SLC2A13: variants seen among roughly 807,000 people sequenced by gnomAD.
SLC2A13 encodes proton myo-inositol cotransporter.
Under a neutral mutation model 64.4 loss-of-function variants are expected in SLC2A13, and 32 were observed. The ratio of observed to expected loss-of-function variants is 0.50; its 90% confidence interval spans 0.37 to 0.67. SLC2A13 has a LOEUF of 0.67. Ranked by LOEUF, SLC2A13 falls within the 30% of genes least tolerant of loss-of-function variation. The pLI, the probability that SLC2A13 is intolerant of heterozygous loss-of-function variation, is 0.00. For synonymous variants in SLC2A13, 338 were observed against 327.1 expected (o/e 1.03, Z -0.36); for missense variants, 743 against 829.2 (o/e 0.90, Z 1.28).
chr12:40,067,264 CA>C (rs1452102166), intron 1 of SLC2A13, among the ~76,000 whole-genome samples: 1 of 152,140 alleles, frequency 6.6e-6, no homozygotes, highest in Non-Finnish European at 1.5e-5. Context: ...TACAGTGGTG[CA>C]ATCACAGGTC....
intron 1 of SLC2A13, among the ~76,000 whole-genome samples, chr12:40,052,409 A>T (rs188907295): frequency 6.6e-6 from 1 of 152,234 alleles, no homozygotes; most frequent in East Asian, 1.9e-4. Flanking sequence ...AAGCAAAAAA[A>T]GGGTGGAGAA....
intron 4 of SLC2A13, among the ~76,000 whole-genome samples, chr12:39,937,359 A>G (rs1242016169): frequency 6.6e-6 from 1 of 152,174 alleles, no homozygotes; most frequent in African/African-American, 2.4e-5. Flanking sequence ...CTGTGTGTGT[A>G]AAGAGTGAAT....
intron 3 of SLC2A13, among the ~76,000 whole-genome samples, chr12:40,015,189 G>A (rs12425630): frequency 3.3e-5 from 5 of 151,936 alleles, no homozygotes; most frequent in African/African-American, 4.8e-5. Context: ...AAATTCCAAG[G>A]AATTCAACAT....
intron 3 of SLC2A13, among the ~76,000 whole-genome samples, chr12:39,992,953 T>C (rs1025806292): frequency 6.6e-6 from 1 of 152,218 alleles, no homozygotes; most frequent in Admixed American, 6.5e-5. Context: ...TCACAAAGCA[T>C]TTTTCAATTT....
intron 6 of SLC2A13, among the ~76,000 whole-genome samples, chr12:39,852,370 T>G (rs891641746): frequency 1.1e-4 from 16 of 152,218 alleles, no homozygotes; most frequent in African/African-American, 3.1e-4. Flanking sequence ...CCACATGTAC[T>G]TTCTACAGTG....
chr12:39,881,007 T>G (rs1944324264), intron 4 of SLC2A13, among the ~76,000 whole-genome samples: 1 of 152,238 alleles, frequency 6.6e-6, no homozygotes. Context: ...GTATAACAGG[T>G]TACATGTGAT....
At position 40,105,677 on chromosome 12, in the gene SLC2A13, G is replaced by C. The variant is rs1939288002; in HGVS notation, c.132C>G (p.Ala44=). 2.7e-6 allele frequency: 4 copies of C among 1,491,098 alleles called. No homozygotes were observed. Among genetic ancestry groups the C allele is most frequent in the Admixed American group, 2.4e-5 (1 of 42,180 alleles). The allele number at this position is 1,491,098 out of a possible 1,614,324, so 92.4% of individuals were successfully genotyped here. ...SAAGECSLLA[A]AESSTSLQSA... ...TCTGCAGGCTGGTGCTCGATTCGGC[G>C]GCAGCCAGGAGGCTGCACTCCCCGG... The change falls in exon 1 of 10, where the codon GCC becomes GCG. Residue 44 remains alanine, a synonymous_variant. Transcript: ENST00000280871. The surrounding 1 kb of genome is among the most constrained non-coding windows in gnomAD (Gnocchi z 4.2).
At chr12:39,772,968 T>C (rs1940638639) in intron 7 of SLC2A13, among the ~76,000 whole-genome samples, 1 of 152,214 alleles carries the variant, frequency 6.6e-6, no homozygotes. Context: ...ACTGAGAATG[T>C]GACATCACAC....
chr12:39,856,348 C>G (rs1046970874), intron 6 of SLC2A13, among the ~76,000 whole-genome samples: 15 of 152,094 alleles, frequency 9.9e-5, no homozygotes, highest in African/African-American at 3.6e-4. Flanking sequence ...CTTTTAACCT[C>G]TTTGCTATGC....
chr12:39,961,550 G>C lies in SLC2A13; in HGVS notation c.926-10185C>G, dbSNP rs549300767. Among the ~76,000 whole-genome samples the C allele has an allele frequency of 6.0e-4, 92 of 152,184 alleles. 1 individual carries two copies. In the South Asian group the frequency reaches 0.017, roughly 28 times the overall value. On this transcript the variant is annotated intron_variant, in intron 3 of 9. Coordinates refer to ENST00000280871, the MANE Select transcript of SLC2A13 (RefSeq NM_052885.4). ...GTCTCACTCTGTGCCCCAGACTAGAGTGCACTGGTATGATCATGGTTCACC... is the reference window on the plus strand; with the variant it reads ...GTCTCACTCTGTGCCCCAGACTAGACTGCACTGGTATGATCATGGTTCACC...
chr12:40,059,645 C>T (rs1948386297), intron 1 of SLC2A13, among the ~76,000 whole-genome samples: 1 of 152,164 alleles, frequency 6.6e-6, no homozygotes, highest in African/African-American at 2.4e-5. Flanking sequence ...TGCCACCCTC[C>T]AGGAACCTCC....
At chr12:39,951,498 C>G in intron 3 of SLC2A13, 133 bp from the exon 4 acceptor site, 1 of 588,662 alleles carries the variant, frequency 1.7e-6, no homozygotes, top group Non-Finnish European at 2.8e-6. Flanking sequence ...CAGAACAACT[C>G]TATTTTTACA....
chr12:39,873,756 T>A (rs1370511893), intron 4 of SLC2A13, among the ~76,000 whole-genome samples: 1 of 152,126 alleles, frequency 6.6e-6, no homozygotes, highest in Non-Finnish European at 1.5e-5. Context: ...CAGAATAAGT[T>A]GTCTAAATTT....
At chr12:39,983,893 G>A (rs879920480) in intron 3 of SLC2A13, among the ~76,000 whole-genome samples, 5 of 144,760 alleles carry the variant, frequency 3.5e-5, no homozygotes, top group Admixed American at 7.0e-5. Flanking sequence ...TGTTTATTGC[G>A]GCATTATTCA....
In SLC2A13 at chr12:39,864,902, A is replaced by G. The variant is rs1211843906; in HGVS notation, c.1199-20T>C. The stretch of plus-strand genomic sequence containing the variant: ...TGGTACCTTAAAAAAAAAAAGTTTT[A>G]TATTAGAGAAGAGTTGACAATATTG... On this transcript the variant is annotated intron_variant, in intron 5 of 9. Transcript: ENST00000280871. 19 of 1,600,598 alleles carry G rather than the reference A, an allele frequency of 1.2e-5. No individual in the cohort carries two copies. The highest frequency in any genetic ancestry group is 1.7e-5 in the Admixed American group (1 of 57,912).
At chr12:39,818,307 A>T (rs1942396299) in intron 7 of SLC2A13, among the ~76,000 whole-genome samples, 1 of 100,324 alleles carries the variant, frequency 1.0e-5, no homozygotes, top group African/African-American at 4.6e-5. Context: ...GGAGGGGGAG[A>T]AGACATTAAA....
intron 7 of SLC2A13, among the ~76,000 whole-genome samples, chr12:39,793,924 C>G (rs1007010166): frequency 3.3e-5 from 5 of 151,920 alleles, no homozygotes; most frequent in South Asian, 2.1e-4. Flanking sequence ...TCAGTGAGCT[C>G]ATTATGGTTG....
chr12:39,926,749 G>A (rs1945737082), intron 4 of SLC2A13, among the ~76,000 whole-genome samples: 1 of 152,118 alleles, frequency 6.6e-6, no homozygotes, highest in African/African-American at 2.4e-5. Context: ...CTGAGTAGCT[G>A]AGATTACAGG....
chr12:40,028,618 G>A lies in SLC2A13; in HGVS notation c.717-109C>T, dbSNP rs895340926. ...AACAATAATACTTACTGTGAAGTTA[G>A]CCAGAATTATTTGTGCATTTATGTG... On this transcript the variant is annotated intron_variant, in intron 2 of 9. Coordinates refer to ENST00000280871, the MANE Select transcript of SLC2A13 (RefSeq NM_052885.4). The A allele has an allele frequency of 7.8e-6, 8 of 1,023,112 alleles. No individual in the cohort carries two copies. In the Admixed American group the frequency reaches 1.7e-4, roughly 21 times the overall value. The allele number at this position is 1,023,112 out of a possible 1,614,324, so 63.4% of individuals were successfully genotyped here. A position where few individuals can be genotyped will look rare whatever the true frequency, so the allele number is the denominator to read the frequency against.
Sources: gnomAD v4.1 joint callset for allele counts (sites outside exome capture counted in the v4.1 genomes callset) on GRCh38, gnomAD v4.1.1 for gene constraint, Gnocchi (gnomAD v3.1) non-coding constraint, MANE v1.5 for transcripts, NCBI Gene and HGNC (gene_info 2026-07-23, HGNC 2026-07-21) for gene names.